KAZN: variants seen among roughly 807,000 people sequenced by gnomAD.
KAZN encodes kazrin.
Under a neutral mutation model 87.4 loss-of-function variants are expected in KAZN, and 40 were observed. The observed-to-expected ratio is 0.46, with a 90% confidence interval of 0.36 to 0.60. The LOEUF (loss-of-function observed/expected upper bound fraction) is 0.60. KAZN is among the 20% of genes least tolerant of loss of function. The pLI, the probability that KAZN is intolerant of heterozygous loss-of-function variation, is 0.00. For missense variants in KAZN, 898 were observed against 1,073.9 expected (o/e 0.84, Z 2.29); for synonymous variants, 466 against 458.3 (o/e 1.02, Z -0.22).
At chr1:15,064,931 A>G (rs757438591) in intron 7 of KAZN, among the ~76,000 whole-genome samples, 2 of 152,170 alleles carry the variant, frequency 1.3e-5, no homozygotes, top group Non-Finnish European at 2.9e-5. Flanking sequence ...GGCAAATTGA[A>G]TTTAAACAAT....
At chr1:14,774,468 A>AT (rs35723980) in intron 1 of KAZN, among the ~76,000 whole-genome samples, 1,471 of 131,236 alleles carry the variant, frequency 0.011, 15 homozygotes, top group East Asian at 0.039. Flanking sequence ...TCTTGAACAG[A>AT]TTTTTTTTTT....
chr1:14,486,494 G>T (rs941458009), intron 2 of KAZN, among the ~76,000 whole-genome samples: 1 of 152,134 alleles, frequency 6.6e-6, no homozygotes, highest in Admixed American at 6.5e-5. Flanking sequence ...TAGCATCATA[G>T]TTCATTACTC....
At chr1:13,997,491 C>T (rs188014121) in intron 1 of KAZN, among the ~76,000 whole-genome samples, 64 of 152,006 alleles carry the variant, frequency 4.2e-4, no homozygotes, top group African/African-American at 1.5e-3. Flanking sequence ...AGAGGAGCTG[C>T]TAACTAGAAT....
At chr1:14,274,983 GT>G (rs1306652807) in intron 2 of KAZN, among the ~76,000 whole-genome samples, 1 of 151,822 alleles carries the variant, frequency 6.6e-6, no homozygotes, top group Non-Finnish European at 1.5e-5. Flanking sequence ...ACCATTTTTG[GT>G]TTGGTTTTAG....
At chr1:14,867,724 AC>A (rs1553148134) in intron 1 of KAZN, among the ~76,000 whole-genome samples, 10,222 of 107,314 alleles carry the variant, frequency 0.095, 468 homozygotes, top group African/African-American at 0.16. Flanking sequence ...CTTTGAAGAC[AC>A]CCCCCCCCCC....
intron 1 of KAZN, among the ~76,000 whole-genome samples, chr1:13,995,991 A>G (rs12738887): frequency 0.15 from 22,105 of 152,204 alleles, 1,718 homozygotes; most frequent in Middle Eastern, 0.22. Context: ...CATAATAAGC[A>G]TGTGAATCCT....
chr1:13,950,414 C>T (rs1641301536), intron 1 of KAZN, among the ~76,000 whole-genome samples: 1 of 152,226 alleles, frequency 6.6e-6, no homozygotes, highest in Admixed American at 6.5e-5. Flanking sequence ...AGGACAAGGA[C>T]TGTGTCTGTT....
chr1:14,286,901 G>A (rs895531386), intron 2 of KAZN, among the ~76,000 whole-genome samples: 1 of 152,188 alleles, frequency 6.6e-6, no homozygotes, highest in African/African-American at 2.4e-5. Flanking sequence ...TATGTAAACT[G>A]TGCTAATGAA....
At chr1:14,864,467 C>T (rs1276658263) in intron 1 of KAZN, among the ~76,000 whole-genome samples, 3 of 152,164 alleles carry the variant, frequency 2.0e-5, no homozygotes, top group Admixed American at 1.3e-4. Flanking sequence ...GAGGCTGAGG[C>T]AGGAGAATCA....
chr1:15,074,616 C>A (rs146833179), intron 8 of KAZN, among the ~76,000 whole-genome samples: 1 of 152,216 alleles, frequency 6.6e-6, no homozygotes, highest in Non-Finnish European at 1.5e-5. Context: ...ATGTCCCCCA[C>A]GAACCACAGG....
intron 2 of KAZN, among the ~76,000 whole-genome samples, chr1:14,304,970 G>C (rs1335908386): frequency 6.7e-6 from 1 of 150,338 alleles, no homozygotes; most frequent in African/African-American, 2.5e-5. Context: ...TTTTAAATAA[G>C]AAGATAGATC....
At chr1:15,087,768 G>A (rs1640331685) in intron 8 of KAZN, among the ~76,000 whole-genome samples, 1 of 152,220 alleles carries the variant, frequency 6.6e-6, no homozygotes, top group Non-Finnish European at 1.5e-5. Flanking sequence ...ACTGGACAGA[G>A]CAGTCTGGAC....
chr1:14,911,185 A>C (rs1017172789), intron 1 of KAZN, among the ~76,000 whole-genome samples: 21 of 152,220 alleles, frequency 1.4e-4, no homozygotes, highest in African/African-American at 5.1e-4. Flanking sequence ...AGAATATAGG[A>C]AACACCCCAG....
chr1:13,930,430 G>A (rs529683686), intron 1 of KAZN, among the ~76,000 whole-genome samples: 6 of 152,282 alleles, frequency 3.9e-5, no homozygotes, highest in Non-Finnish European at 7.3e-5. Flanking sequence ...TTTGGCTATT[G>A]TCACATGTCA....
At chr1:14,106,520 T>G (rs1439229631) in intron 1 of KAZN, among the ~76,000 whole-genome samples, 1 of 152,164 alleles carries the variant, frequency 6.6e-6, no homozygotes, top group Non-Finnish European at 1.5e-5. Flanking sequence ...AAAGCCTGTC[T>G]CCCTGGGCTC....
chr1:14,356,135 G>A (rs1332016040), intron 2 of KAZN, among the ~76,000 whole-genome samples: 3 of 152,200 alleles, frequency 2.0e-5, no homozygotes, highest in African/African-American at 7.2e-5. Context: ...GCTGGTGTGA[G>A]ATGGTATCTC....
At chr1:14,596,294 A>G (rs909796187), upstream of KAZN, among the ~76,000 whole-genome samples, 2 of 130,502 alleles carry the variant, frequency 1.5e-5, no homozygotes, top group African/African-American at 3.1e-5. Flanking sequence ...GTGTGAGTGC[A>G]CGCACACGTG....
chr1:14,445,738 C>T (rs940396933), intron 2 of KAZN, among the ~76,000 whole-genome samples: 12 of 152,152 alleles, frequency 7.9e-5, no homozygotes, highest in African/African-American at 2.9e-4. Flanking sequence ...CACTGGGGAA[C>T]TCTGGGAGAC....
chr1:14,129,509 TC>T (rs1644946544), intron 1 of KAZN, among the ~76,000 whole-genome samples: 1 of 152,212 alleles, frequency 6.6e-6, no homozygotes, highest in Non-Finnish European at 1.5e-5. Context: ...TCCTCCACTT[TC>T]CAGTGGGAGA....
Sources: allele counts gnomAD v4.1 joint callset (sites outside exome capture counted in the v4.1 genomes callset), GRCh38; gene constraint gnomAD v4.1.1; transcripts MANE v1.5; gene names NCBI Gene and HGNC (gene_info 2026-07-23, HGNC 2026-07-21).